The following PRKD1 variants were observed in gnomAD, a reference collection of about 807,000 sequenced individuals.
PRKD1 encodes the protein serine/threonine-protein kinase D1.
A neutral mutation model predicts 95.9 loss-of-function variants in PRKD1; 63 were observed. The observed-to-expected ratio is 0.66, with a 90% CI of 0.54 to 0.81. The LOEUF (loss-of-function observed/expected upper bound fraction) is 0.81, where lower values mean the gene tolerates loss of function less well. Among genes scored for constraint, PRKD1 ranks in the 30% least tolerant of loss-of-function variants. The pLI, the probability that PRKD1 is intolerant of heterozygous loss-of-function variation, is 0.00. For missense variants in PRKD1, 1,048 were observed against 1,165.3 expected, an observed-to-expected ratio of 0.90 and a Z score of 1.47; for synonymous variants, 425 against 423.1, an observed-to-expected ratio of 1.00 and a Z score of -0.05.
At chr14:29,645,830 C>G (rs1881087715) in intron 4 of PRKD1, among the ~76,000 whole-genome samples, 2 of 152,006 alleles carry the variant, frequency 1.3e-5, no homozygotes, top group Non-Finnish European at 2.9e-5. Flanking sequence ...TCTGAGAGGC[C>G]TCCTCACCAC....
intron 4 of PRKD1, chr14:29,657,882 A>AAAAC (rs1329330363): frequency 2.6e-5 from 4 of 151,792 alleles, no homozygotes; most frequent in Admixed American, 1.3e-4. Context: ...AAAACAAAAC[A>AAAAC]AAACAAACAA....
At chr14:29,853,043 A>T (rs1892367430) in intron 1 of PRKD1, among the ~76,000 whole-genome samples, 1 of 152,210 alleles carries the variant, frequency 6.6e-6, no homozygotes, top group African/African-American at 2.4e-5. Flanking sequence ...GGATGAAAAA[A>T]GATAGTTCAT....
intron 1 of PRKD1, among the ~76,000 whole-genome samples, chr14:29,750,327 T>C (rs1258470184): frequency 6.6e-6 from 1 of 152,208 alleles, no homozygotes; most frequent in Non-Finnish European, 1.5e-5. Context: ...AATTTTACCA[T>C]AAGCTAGTTG....
intron 2 of PRKD1, among the ~76,000 whole-genome samples, chr14:29,719,676 T>G (rs1410881148): frequency 2.6e-5 from 4 of 152,216 alleles, no homozygotes; most frequent in Non-Finnish European, 5.9e-5. Context: ...TCCAGAGTCA[T>G]TGTGAAGGAA....
intron 1 of PRKD1, among the ~76,000 whole-genome samples, chr14:29,887,440 A>T (rs1594604301): frequency 6.6e-6 from 1 of 152,332 alleles, no homozygotes; most frequent in South Asian, 2.1e-4. Flanking sequence ...TCAAATAAGC[A>T]TTAAACAATT....
At chr14:29,925,067 A>G (rs1304571052) in intron 1 of PRKD1, among the ~76,000 whole-genome samples, 1 of 152,188 alleles carries the variant, frequency 6.6e-6, no homozygotes, top group African/African-American at 2.4e-5. Context: ...ATAACCTAAA[A>G]AAAAAGTGAG....
intron 2 of PRKD1, among the ~76,000 whole-genome samples, chr14:29,720,399 A>G (rs78171731): frequency 0.024 from 3,585 of 152,206 alleles, 64 homozygotes; most frequent in Admixed American, 0.035. Flanking sequence ...CAGAATGAAA[A>G]CAAGTATAGA....
chr14:29,651,811 C>T (rs191436299), intron 4 of PRKD1, among the ~76,000 whole-genome samples: 3 of 152,030 alleles, frequency 2.0e-5, no homozygotes, highest in Non-Finnish European at 4.4e-5. Flanking sequence ...TGGCTGTGAT[C>T]TCTGCTCACT....
At chr14:29,657,542 G>A (rs1039256698) in intron 4 of PRKD1, 1 of 152,164 alleles carries the variant, frequency 6.6e-6, no homozygotes, top group Non-Finnish European at 1.5e-5. Flanking sequence ...TTTGGACTGA[G>A]GTTCTACCAA....
chr14:29,632,145 C>G (rs958871352), intron 9 of PRKD1, among the ~76,000 whole-genome samples: 6 of 152,098 alleles, frequency 3.9e-5, no homozygotes, highest in Non-Finnish European at 8.8e-5. Flanking sequence ...AAAAAGAAAT[C>G]ACTACTGCAT....
chr14:29,598,520 T>C (rs1893397632), intron 15 of PRKD1, among the ~76,000 whole-genome samples: 1 of 152,072 alleles, frequency 6.6e-6, no homozygotes, highest in African/African-American at 2.4e-5. Flanking sequence ...TGTCATGTCA[T>C]CCACAATAAT....
chr14:29,784,240 T>C (rs1335595690), intron 1 of PRKD1, among the ~76,000 whole-genome samples: 1 of 152,158 alleles, frequency 6.6e-6, no homozygotes, highest in African/African-American at 2.4e-5. Context: ...CTTTCCCCAG[T>C]ATATGCTCTT....
chr14:29,873,224 T>C (rs1226937733), intron 1 of PRKD1, among the ~76,000 whole-genome samples: 1 of 152,200 alleles, frequency 6.6e-6, no homozygotes, highest in Non-Finnish European at 1.5e-5. Flanking sequence ...TAGCTGGGAC[T>C]ACAGGTGCCC....
At chr14:29,872,850 G>T (rs1289927070) in intron 1 of PRKD1, among the ~76,000 whole-genome samples, 1 of 152,050 alleles carries the variant, frequency 6.6e-6, no homozygotes, top group African/African-American at 2.4e-5. Flanking sequence ...ATTTACTTGA[G>T]ATCAAAGAGC....
chr14:29,641,168 T>G (rs1289414784), intron 4 of PRKD1, among the ~76,000 whole-genome samples: 1 of 152,200 alleles, frequency 6.6e-6, no homozygotes, highest in East Asian at 1.9e-4. Context: ...AATAATGAGA[T>G]TTACACAGCC....
chr14:29,746,492 T>C (rs1037635849), intron 1 of PRKD1, among the ~76,000 whole-genome samples: 2 of 151,762 alleles, frequency 1.3e-5, no homozygotes, highest in Middle Eastern at 3.4e-3. Context: ...TCTGTCTAAA[T>C]ATCCTTCTAT....
chr14:29,796,864 G>A (rs564410644), intron 1 of PRKD1, among the ~76,000 whole-genome samples: 49 of 152,298 alleles, frequency 3.2e-4, no homozygotes, highest in Non-Finnish European at 6.3e-4. Flanking sequence ...GCACTGCAAA[G>A]GGAAATGAAG....
intron 1 of PRKD1, among the ~76,000 whole-genome samples, chr14:29,859,856 A>C (rs1431956045): frequency 6.6e-6 from 1 of 152,100 alleles, no homozygotes; most frequent in Non-Finnish European, 1.5e-5. Flanking sequence ...GAAATAATAT[A>C]GTTTTTTAAA....
At chr14:29,608,085 G>A (rs924002767) in intron 13 of PRKD1, among the ~76,000 whole-genome samples, 18 of 152,170 alleles carry the variant, frequency 1.2e-4, no homozygotes, top group Non-Finnish European at 2.5e-4. Context: ...TAAAGTGAAC[G>A]CTATAAAGAC....
Sources: allele counts gnomAD v4.1 joint callset (sites outside exome capture counted in the v4.1 genomes callset), GRCh38; gene constraint gnomAD v4.1.1; transcripts MANE v1.5; gene names NCBI Gene and HGNC (gene_info 2026-07-23, HGNC 2026-07-21).